The following SPTAN1 variants were observed in gnomAD, a reference collection of about 807,000 sequenced individuals.
SPTAN1 encodes spectrin alpha, non-erythrocytic 1, also known as spectrin alpha chain, non-erythrocytic 1.
Under a neutral mutation model 331.3 loss-of-function variants are expected in SPTAN1, and 61 were observed. The observed-to-expected ratio is 0.18, with a 90% confidence interval of 0.15 to 0.23. The LOEUF (loss-of-function observed/expected upper bound fraction) is 0.23, where lower values mean the gene tolerates loss of function less well. Ranked by LOEUF, SPTAN1 falls within the 10% of genes least tolerant of loss-of-function variation. The pLI is 1.00. For synonymous variants in SPTAN1, 1,153 were observed against 1,173.9 expected, an observed-to-expected ratio of 0.98 and a Z score of 0.36; for missense variants, 2,043 against 3,147.9, an observed-to-expected ratio of 0.65 and a Z score of 8.40.
chr9:128,598,633 C>T, intron 25 of SPTAN1, 129 bp downstream of exon 25: 1 of 816,380 alleles, frequency 1.2e-6, no homozygotes, highest in South Asian at 1.5e-5. Flanking sequence ...AGGTCAGGTC[C>T]TCTATGTGAC....
In SPTAN1 at chr9:128,605,101, C is replaced by A; in HGVS notation, c.3787C>A (p.His1263Asn). 2 of 1,613,890 alleles carry A rather than the reference C, an allele frequency of 1.2e-6. No homozygotes were observed. The highest frequency in any genetic ancestry group is 1.7e-6 in the Non-Finnish European group (2 of 1,180,002). The part of the protein sequence containing the change: ...NQALNTDNYG[H>N]DLASVQALQR... ...AGCTCTAAACACAGACAATTATGGA[C>A]ATGATCTCGCCAGTGTCCAGGCCCT... The change falls in exon 30 of 57, where the codon CAT becomes AAT. Residue 1263 changes from histidine (H) to asparagine (N), a missense_variant. Physicochemically the swap from His to Asn is moderately conservative, Grantham distance 68. Around this residue, in one of 12 missense-constraint regions of SPTAN1, gnomAD observed 42 missense variants for 106.0 expected, o/e 0.40. Transcript: ENST00000372739.
intron 13 of SPTAN1, 21 bp from the exon 14 acceptor site, chr9:128,582,673 C>G (rs753090619): frequency 6.2e-7 from 1 of 1,612,154 alleles, no homozygotes; most frequent in African/African-American, 1.3e-5. Flanking sequence ...TAGAGACTCA[C>G]AGGGGATCCT....
intron 48 of SPTAN1, 86 bp downstream of exon 48, chr9:128,626,064 C>T (rs945104154): frequency 1.0e-4 from 155 of 1,516,944 alleles, no homozygotes; most frequent in Middle Eastern, 4.7e-4. Flanking sequence ...TGCCACTCCC[C>T]CTTGAGGAAG....
intron 26 of SPTAN1, chr9:128,599,879 C>T: frequency 3.2e-6 from 2 of 618,366 alleles, no homozygotes; most frequent in East Asian, 5.5e-5. Flanking sequence ...ATTTTTCTCT[C>T]CCCTGTTTGT....
At position 128,607,989 on chromosome 9, in the gene SPTAN1, A is replaced by G; in HGVS notation, c.4284A>G (p.Ala1428=). 1 of 1,614,168 alleles carries G rather than the reference A, an allele frequency of 6.2e-7. No homozygotes were observed. The highest frequency in any genetic ancestry group is 8.5e-7 in the Non-Finnish European group (1 of 1,180,042). The change falls in exon 33 of 57, where the codon GCA becomes GCG. Residue 1428 remains alanine, a synonymous_variant. Transcript: ENST00000372739. ...TTGATATTCTTGACCAGGAGCGTGC[A>G]GACCTGGAGAAGGCCTGGGTTCAGC... The part of the protein sequence containing the change: ...QKLDILDQER[A]DLEKAWVQRR...
intron 1 of SPTAN1, chr9:128,555,413 A>T: frequency 7.8e-7 from 1 of 1,289,488 alleles, no homozygotes; most frequent in Non-Finnish European, 1.0e-6. Context: ...TTTGACGAGC[A>T]TGCAGAAAAC....
chr9:128,595,501 T>C (rs1055676128), intron 24 of SPTAN1, among the ~76,000 whole-genome samples: 2 of 152,350 alleles, frequency 1.3e-5, no homozygotes, highest in Middle Eastern at 3.4e-3. Flanking sequence ...CATGTTGTTA[T>C]AAGAACTTTT....
intron 20 of SPTAN1, among the ~76,000 whole-genome samples, chr9:128,588,044 C>G (rs1852898703): frequency 7.2e-6 from 1 of 139,486 alleles, no homozygotes; most frequent in South Asian, 2.2e-4. Flanking sequence ...TGGAGTCTTG[C>G]TAGAGTGCAG....
intron 31 of SPTAN1, among the ~76,000 whole-genome samples, chr9:128,606,505 G>GGGA (rs1855904901): frequency 6.9e-6 from 1 of 144,892 alleles, no homozygotes; most frequent in African/African-American, 2.6e-5. Flanking sequence ...TTTGGGGGGG[G>GGGA]AAGCGTTTCG....
intron 19 of SPTAN1, 147 bp downstream of exon 19, chr9:128,586,112 GTTTTTTTTTTTTT>G (rs35434571): frequency 1.1e-5 from 3 of 266,132 alleles, no homozygotes; most frequent in South Asian, 5.1e-5. Flanking sequence ...TTTTCACTTG[GTTTTTTTTTTTTT>G]TTTTTTTTTT....
chr9:128,591,256 CG>C (rs1853468844), intron 21 of SPTAN1, among the ~76,000 whole-genome samples: 1 of 151,634 alleles, frequency 6.6e-6, no homozygotes, highest in Non-Finnish European at 1.5e-5. Flanking sequence ...TTAGTAGAGA[CG>C]GGGTTTCACT....
intron 46 of SPTAN1, chr9:128,624,729 G>A (rs1212183559): frequency 5.2e-6 from 3 of 579,888 alleles, no homozygotes; most frequent in Admixed American, 3.0e-5. Context: ...GCTGCTGCAC[G>A]CAGAGATGGC....
intron 3 of SPTAN1, among the ~76,000 whole-genome samples, chr9:128,570,206 G>C (rs1454428905): frequency 6.6e-6 from 1 of 151,446 alleles, no homozygotes; most frequent in Non-Finnish European, 1.5e-5. Flanking sequence ...ATTGGACAGA[G>C]ATCAAGTGTT....
intron 2 of SPTAN1, among the ~76,000 whole-genome samples, chr9:128,568,039 G>A (rs1850239819): frequency 6.6e-6 from 1 of 152,220 alleles, no homozygotes; most frequent in South Asian, 2.1e-4. Flanking sequence ...TGGGATTACA[G>A]GCGTGAGCCA....
At position 128,615,620 on chromosome 9, in the gene SPTAN1, C is replaced by T; in HGVS notation, c.5149-12C>T. ...GACCCAGTTTCTGACCCTCTTATGT[C>T]CCCTGCCCCAGGATCGCCTGAAGGA... On this transcript the variant is annotated splice_polypyrimidine_tract_variant and intron_variant, in intron 40 of 56. Transcript: ENST00000372739. 6.2e-7 allele frequency: 1 copy of T among 1,613,730 alleles called. No individual in the cohort carries two copies. Among genetic ancestry groups the T allele is most frequent in the Non-Finnish European group, 8.5e-7 (1 of 1,180,012 alleles).
intron 52 of SPTAN1, chr9:128,630,662 G>GGAA: frequency 2.4e-6 from 1 of 422,702 alleles, no homozygotes; most frequent in Non-Finnish European, 4.4e-6. Flanking sequence ...CCAAATAGCT[G>GGAA]TACTACAGAT....
Position 128,580,981 on chromosome 9 carries a change from G to C in SPTAN1, c.1383G>C (p.Gln461His). Residue 461 changes from glutamine (Q) to histidine (H), a missense_variant, in exon 11 of 57, where the codon CAG (glutamine) becomes CAC (histidine). By Grantham distance (24) the Gln-to-His change is conservative. Transcript: ENST00000372739. ...ALLELWELRR[Q>H]QYEQCMDLQL... is the part of the protein sequence containing the mutation. ...TGGAGCTGTGGGAGCTGCGCAGGCA[G>C]CAGTACGAGCAGTGCATGGACCTGC... is the stretch of plus-strand genomic sequence containing the variant. 2.5e-6 allele frequency: 4 copies of C among 1,613,958 alleles called. No individual in the cohort carries two copies. The highest frequency in any genetic ancestry group is 2.2e-5 in the East Asian group (1 of 44,876).
At chr9:128,631,042 G>A (rs186963184) in intron 52 of SPTAN1, among the ~76,000 whole-genome samples, 43 of 151,984 alleles carry the variant, frequency 2.8e-4, no homozygotes, top group African/African-American at 9.6e-4. Flanking sequence ...ACAGTGTTTT[G>A]CCTTGTTGGC....
At chr9:128,614,019 A>G (rs1482475239) in intron 40 of SPTAN1, among the ~76,000 whole-genome samples, 3 of 152,114 alleles carry the variant, frequency 2.0e-5, no homozygotes, top group East Asian at 1.9e-4. Context: ...AAAAAAAAAA[A>G]TGCTGAATTC....
Sources: allele counts gnomAD v4.1 joint callset (sites outside exome capture counted in the v4.1 genomes callset), GRCh38; gene constraint gnomAD v4.1.1; regional missense constraint gnomAD v4.1.1; transcripts MANE v1.5; gene names NCBI Gene and HGNC (gene_info 2026-07-23, HGNC 2026-07-21).